Variants in MYO1A observed in about 807,000 individuals in gnomAD.
MYO1A encodes unconventional myosin-Ia.
Under a neutral mutation model 138.5 loss-of-function variants are expected in MYO1A, and 127 were observed. The ratio of observed to expected loss-of-function variants is 0.92; its 90% CI spans 0.79 to 1.06. The LOEUF is 1.06. MYO1A is among the 50% of genes least tolerant of loss of function. MYO1A has a pLI of 0.00. For synonymous variants in MYO1A, 477 were observed against 497.5 expected (o/e 0.96, Z 0.55); for missense variants, 1,211 against 1,288.8 (o/e 0.94, Z 0.92).
rs199693893 is a variant in MYO1A, at chr12:57,037,937, A to G, written c.1893T>C (p.Tyr631=). 30 of 1,614,186 alleles carry G rather than the reference A, an allele frequency of 1.9e-5. No individual in the cohort carries two copies. The East Asian group carries it at 6.7e-4, about 36-fold the overall frequency. ...ATCGGTACCTTTCCAGGAAGGGCCCATAACCCTGGCGGTGGGCATAGCCTG... is the reference window on the plus strand; with the variant it reads ...ATCGGTACCTTTCCAGGAAGGGCCCGTAACCCTGGCGGTGGGCATAGCCTG... ...RRAGYAHRQG[Y]GPFLERYRLL... Residue 631 remains tyrosine, a synonymous_variant, in exon 18 of 28, where the codon TAT becomes TAC. Transcript: ENST00000300119.
intron 24 of MYO1A, 104 bp from the exon 25 acceptor site, chr12:57,029,976 G>A (rs1039412261): frequency 6.4e-6 from 10 of 1,550,814 alleles, no homozygotes; most frequent in South Asian, 4.5e-5. Context: ...CCACATCCAC[G>A]TATCCTCTGT....
rs754238164 is a variant in MYO1A, at chr12:57,038,040, C to T, written c.1790G>A (p.Arg597Gln). 11 of 1,614,080 alleles carry T rather than the reference C, an allele frequency of 6.8e-6. No homozygotes were observed. Among genetic ancestry groups the T allele is most frequent in the Admixed American group, 1.7e-5 (1 of 60,034 alleles). Residue 597 changes from arginine (R) to glutamine (Q), a missense_variant, in exon 18 of 28, where the codon CGA becomes CAA. Arg to Gln is a conservative substitution (Grantham distance 43, BLOSUM62 1). Transcript: ENST00000300119. ...CACCAGGTCTGAAGAGAACTGACCTCGCTGCTGATGCTCATTGGGCTTTAT... is the reference window on the plus strand; with the variant it reads ...CACCAGGTCTGAAGAGAACTGACCTTGCTGCTGATGCTCATTGGGCTTTAT... The part of the protein sequence containing the change: ...RCIKPNEHQQ[R>Q]GQFSSDLVAT...
At position 57,047,122 on chromosome 12, in the gene MYO1A, A is replaced by T. The variant is rs1430362621; in HGVS notation, c.431-15T>A. The T allele has an allele frequency of 6.2e-7, 1 of 1,613,896 alleles. No individual in the cohort carries two copies. Among genetic ancestry groups the T allele is most frequent in the Admixed American group, 1.7e-5 (1 of 59,988 alleles). On this transcript the variant is annotated splice_polypyrimidine_tract_variant and intron_variant, in intron 5 of 27. Coordinates refer to ENST00000300119, the MANE Select transcript of MYO1A (RefSeq NM_005379.4). ...ATTGCCAAAAGCTACAGAGATGAGG[A>T]GGGGAGAAGTGAAACTCTAGAGAAG...
intron 14 of MYO1A, 35 bp from the exon 15 acceptor site, chr12:57,039,309 G>C (rs764848870): frequency 6.4e-7 from 1 of 1,557,602 alleles, no homozygotes. Context: ...CAGGGAACAC[G>C]TCCAAGACAA....
At chr12:57,046,398 G>C (rs2136457407) in intron 8 of MYO1A, among the ~76,000 whole-genome samples, 154 bp downstream of exon 8, 1 of 152,204 alleles carries the variant, frequency 6.6e-6, no homozygotes, top group South Asian at 2.1e-4. Context: ...AGTGGGTGAG[G>C]CTGAGAATGG....
chr12:57,044,064 G>T (rs2030983438), intron 9 of MYO1A, 42 bp downstream of exon 9: 9 of 1,614,066 alleles, frequency 5.6e-6, no homozygotes, highest in African/African-American at 1.3e-5. Context: ...GCGAATAGAG[G>T]ATGACCTAAG....
At chr12:57,039,297 T>C (rs748118587) in intron 14 of MYO1A, 23 bp from the exon 15 acceptor site, 89 of 1,596,838 alleles carry the variant, frequency 5.6e-5, no homozygotes, top group Non-Finnish European at 7.5e-5. Context: ...GACAACAAAT[T>C]ACAGGGAACA....
chr12:57,029,565 A>G lies in MYO1A; in HGVS notation c.2747T>C (p.Leu916Pro). ...TGTGAGAATCACATGGCCCTTGGTC[A>G]GGAGGAGAATCCGAGAAGAAGTCTA... ...NGKTSSRILL[L>P]TKGHVILTDT... The change falls in exon 26 of 28, where the codon CTG becomes CCG. Residue 916 changes from leucine (L) to proline (P), a missense_variant. By Grantham distance (98) the Leu-to-Pro change is moderately conservative. Coordinates refer to ENST00000300119, the MANE Select transcript of MYO1A (RefSeq NM_005379.4). The G allele has an allele frequency of 6.2e-7, 1 of 1,614,222 alleles. No individual in the cohort carries two copies.
At chr12:57,039,130 G>C (rs1446947399) in intron 15 of MYO1A, 82 bp downstream of exon 15, 1 of 1,564,148 alleles carries the variant, frequency 6.4e-7, no homozygotes, top group African/African-American at 1.4e-5. Flanking sequence ...CTACCAAGTG[G>C]GGAATCAGGG....
chr12:57,032,557 C>T (rs1206124005), intron 22 of MYO1A, among the ~76,000 whole-genome samples: 1 of 152,154 alleles, frequency 6.6e-6, no homozygotes, highest in Non-Finnish European at 1.5e-5. Context: ...GTGGCGCATG[C>T]CTGTAATCCC....
intron 8 of MYO1A, 21 bp from the exon 9 acceptor site, chr12:57,044,230 G>A (rs2030996732): frequency 6.2e-7 from 1 of 1,602,064 alleles, no homozygotes; most frequent in Non-Finnish European, 8.5e-7. Context: ...CAGTGTTGGG[G>A]AAGATGGTTA....
In MYO1A at chr12:57,030,428, A is replaced by C. The variant is rs78602472; in HGVS notation, c.2485-112T>G. On this transcript the variant is annotated intron_variant, in intron 23 of 27. Transcript: ENST00000300119. ...CTAGGAGAGGAGAGAGACTGAGGAA[A>C]AAGGACAGGCACTAGACACCTCAGG... 793 of 896,302 alleles carry C rather than the reference A, an allele frequency of 8.8e-4. 10 individuals carry two copies. The East Asian group carries it at 0.017, about 19-fold the overall frequency. 55.5% of individuals were successfully genotyped at this position (896,302 alleles called of 1,614,324 possible).
In MYO1A at chr12:57,043,970, C is replaced by T; in HGVS notation, c.778G>A (p.Glu260Lys). ...AMAVIGFSEE[E>K]IRQVLEVTSM... ...GTCACCTCTAGCACTTGTCGAATCT[C>T]CTCCTCCGAGAACCCAATCACTGCC... is the stretch of plus-strand genomic sequence containing the variant. Residue 260 changes from glutamate (E) to lysine (K), a missense_variant, in exon 10 of 28, where the codon GAG becomes AAG. Coordinates refer to ENST00000300119, the MANE Select transcript of MYO1A (RefSeq NM_005379.4). 6.2e-7 allele frequency: 1 copy of T among 1,614,172 alleles called. No homozygotes were observed. The highest frequency in any genetic ancestry group is 8.5e-7 in the Non-Finnish European group (1 of 1,180,024).
intron 12 of MYO1A, among the ~76,000 whole-genome samples, chr12:57,042,434 G>C (rs183800655): frequency 9.2e-5 from 14 of 152,212 alleles, no homozygotes; most frequent in Admixed American, 9.2e-4. Flanking sequence ...TACAAATAAG[G>C]CTTCTGTGAA....
At chr12:57,036,258 G>A in intron 22 of MYO1A, 49 bp downstream of exon 22, 1 of 1,578,284 alleles carries the variant, frequency 6.3e-7, no homozygotes, top group Non-Finnish European at 8.7e-7. Context: ...TCCCAAACCT[G>A]TGCCTCCCTG....
intron 8 of MYO1A, among the ~76,000 whole-genome samples, chr12:57,044,451 C>T (rs577685721): frequency 3.9e-5 from 6 of 152,160 alleles, no homozygotes; most frequent in Non-Finnish European, 5.9e-5. Flanking sequence ...GGCAGTGGTG[C>T]GATCTCAGCT....
chr12:57,041,607 C>T, intron 12 of MYO1A, 110 bp from the exon 13 acceptor site: 1 of 854,250 alleles, frequency 1.2e-6, no homozygotes. Flanking sequence ...CTAGCAAGAG[C>T]TTTGCCAAAC....
At chr12:57,035,733 CT>C (rs1323484784) in intron 22 of MYO1A, among the ~76,000 whole-genome samples, 1 of 152,316 alleles carries the variant, frequency 6.6e-6, no homozygotes, top group East Asian at 1.9e-4. Context: ...TTTTCTCCCC[CT>C]GGGAGCTGTC....
In MYO1A at chr12:57,043,092, G is replaced by T. The variant is rs765748687; in HGVS notation, c.1078C>A (p.Arg360=). ...CTTGCCTTGATGCTCTCATTGATTC[G>T]ATTCACTATCCAGTCAAAGAGGCGG... ...YSRLFDWIVN[R]INESIKVGIG... is the part of the protein sequence containing the mutation. The change falls in exon 12 of 28, where the codon CGA becomes AGA. Residue 360 remains arginine (R), a synonymous_variant. Coordinates refer to ENST00000300119, the MANE Select transcript of MYO1A (RefSeq NM_005379.4). The T allele has an allele frequency of 5.5e-5, 89 of 1,614,016 alleles. No homozygotes were observed. Among genetic ancestry groups the T allele is most frequent in the Non-Finnish European group, 7.4e-5 (87 of 1,180,036 alleles).
Sources: gnomAD v4.1 joint callset for allele counts (sites outside exome capture counted in the v4.1 genomes callset) on GRCh38, gnomAD v4.1.1 for gene constraint, MANE v1.5 for transcripts, NCBI Gene and HGNC (gene_info 2026-07-23, HGNC 2026-07-21) for gene names.